ZDHHC13: variants seen among roughly 807,000 people sequenced by gnomAD.
The protein encoded by ZDHHC13 is palmitoyltransferase ZDHHC13.
A neutral mutation model predicts 86.0 loss-of-function variants in ZDHHC13; 85 were observed. The observed-to-expected ratio is 0.99, with a 90% CI of 0.83 to 1.18. The LOEUF (loss-of-function observed/expected upper bound fraction) is 1.18, where lower values mean the gene tolerates loss of function less well. Ranked by LOEUF, ZDHHC13 falls within the 50% of genes most tolerant of loss-of-function variation. ZDHHC13 has a pLI of 0.00. For synonymous variants in ZDHHC13, 263 were observed against 246.4 expected (o/e 1.07, Z -0.63); for missense variants, 711 against 730.2 (o/e 0.97, Z 0.30).
At chr11:19,144,372 TC>T (rs1849400642) in intron 2 of ZDHHC13, among the ~76,000 whole-genome samples, 1 of 152,096 alleles carries the variant, frequency 6.6e-6, no homozygotes, top group South Asian at 2.1e-4. Context: ...TCCTGGACCT[TC>T]TCAAGTGGTT....
At chr11:19,132,940 C>T (rs1216838742) in intron 1 of ZDHHC13, among the ~76,000 whole-genome samples, 1 of 152,110 alleles carries the variant, frequency 6.6e-6, no homozygotes, top group Non-Finnish European at 1.5e-5. Flanking sequence ...GAAGGCTCTA[C>T]TTCATTTTTA....
At chr11:19,167,119 G>A (rs1437993610) in intron 14 of ZDHHC13, 1 of 152,152 alleles carries the variant, frequency 6.6e-6, no homozygotes, top group Non-Finnish European at 1.5e-5. Flanking sequence ...AACCTATAGT[G>A]CTTGTAGTTT....
intron 1 of ZDHHC13, chr11:19,118,739 TCACCTATATATAC>T (rs1219415022): frequency 6.6e-6 from 1 of 152,244 alleles, no homozygotes; most frequent in East Asian, 1.9e-4. Flanking sequence ...TGTGAAGACC[TCACCTATATATAC>T]TGCTTTGCAG....
intron 1 of ZDHHC13, among the ~76,000 whole-genome samples, chr11:19,141,903 C>T (rs868620525): frequency 1.3e-5 from 2 of 151,990 alleles, no homozygotes; most frequent in Non-Finnish European, 2.9e-5. Context: ...TTCTTTTTAC[C>T]CTCCCAAATT....
chr11:19,160,810 G>T (rs1849889597), intron 10 of ZDHHC13, among the ~76,000 whole-genome samples: 2 of 151,644 alleles, frequency 1.3e-5, no homozygotes, highest in South Asian at 2.1e-4. Context: ...TCTTGGATGA[G>T]TTTTTTTTGT....
At chr11:19,125,931 C>T (rs918244101) in intron 1 of ZDHHC13, among the ~76,000 whole-genome samples, 9 of 152,006 alleles carry the variant, frequency 5.9e-5, no homozygotes, top group Middle Eastern at 3.2e-3. Flanking sequence ...GTTGGGGTTA[C>T]GGGAGGGTAT....
chr11:19,176,049 A>G lies in ZDHHC13; in HGVS notation c.*89A>G. 7.0e-7 allele frequency: 1 copy of G among 1,424,174 alleles called. No homozygotes were observed. Among genetic ancestry groups the G allele is most frequent in the Non-Finnish European group, 9.3e-7 (1 of 1,074,328 alleles). The allele number at this position is 1,424,174 out of a possible 1,614,324, so 88.2% of individuals were successfully genotyped here. A position where few individuals can be genotyped will look rare whatever the true frequency, so the allele number is the denominator to read the frequency against. On this transcript the variant is annotated 3_prime_UTR_variant, in exon 17 of 17. Coordinates refer to ENST00000446113, the MANE Select transcript of ZDHHC13 (RefSeq NM_019028.3). Reference sequence around the variant, plus strand: ...AAAGTGAAGTAAAGATTTAGAATTCACCTAAGTCCAAAGGAAAACACGTGG... The same window carrying G: ...AAAGTGAAGTAAAGATTTAGAATTCGCCTAAGTCCAAAGGAAAACACGTGG...
chr11:19,168,926 T>C, intron 14 of ZDHHC13: 4 of 984,994 alleles, frequency 4.1e-6, no homozygotes, highest in Non-Finnish European at 4.8e-6. Flanking sequence ...ACTCTGTAAC[T>C]GTCAGAGCCA....
intron 16 of ZDHHC13, among the ~76,000 whole-genome samples, chr11:19,174,886 A>G (rs1850317489): frequency 6.6e-6 from 1 of 152,232 alleles, no homozygotes; most frequent in Non-Finnish European, 1.5e-5. Flanking sequence ...CAGAGGAGCT[A>G]GAACTAGAGG....
At chr11:19,125,085 CAA>C (rs1357676523) in intron 1 of ZDHHC13, among the ~76,000 whole-genome samples, 2 of 152,016 alleles carry the variant, frequency 1.3e-5, no homozygotes, top group East Asian at 3.9e-4. Flanking sequence ...GACGTGACAC[CAA>C]AAGCACAATC....
intron 13 of ZDHHC13, among the ~76,000 whole-genome samples, chr11:19,165,425 A>G (rs531010621): frequency 1.8e-4 from 27 of 152,362 alleles, no homozygotes; most frequent in Admixed American, 6.5e-4. Context: ...CTTAACTTAC[A>G]GTGACACAAC....
At position 19,172,792 on chromosome 11, in the gene ZDHHC13, A is replaced by T; in HGVS notation, c.1702A>T (p.Thr568Ser). The T allele has an allele frequency of 6.2e-7, 1 of 1,605,912 alleles. No individual in the cohort carries two copies. The highest frequency in any genetic ancestry group is 1.1e-5 in the South Asian group (1 of 89,014). ...LQKQSKHMKQTLSLRKTPYNL... is the reference protein window; with the variant it reads ...LQKQSKHMKQSLSLRKTPYNL... ...GAAGCAGAGCAAGCATATGAAACAG[A>T]CGTTGTCCCTCAGGAAGACACCATA... Residue 568 changes from threonine to serine, a missense_variant, in exon 16 of 17, where the codon ACG (threonine) becomes TCG (serine). Transcript: ENST00000446113.
chr11:19,168,599 C>G (rs1307558261), intron 14 of ZDHHC13: 1 of 157,288 alleles, frequency 6.4e-6, no homozygotes, highest in South Asian at 2.0e-4. Context: ...ATTTATATTC[C>G]AGCAATATTT....
chr11:19,117,180 A>C lies in ZDHHC13; in HGVS notation c.-70A>C, dbSNP rs576604931. The C allele has an allele frequency of 1.3e-5, 19 of 1,514,448 alleles. No homozygotes were observed. In the South Asian group the frequency reaches 1.9e-4, roughly 15 times the overall value. 93.8% of individuals were successfully genotyped at this position (1,514,448 alleles called of 1,614,324 possible). On this transcript the variant is annotated 5_prime_UTR_variant, in exon 1 of 17. Coordinates refer to ENST00000446113, the MANE Select transcript of ZDHHC13 (RefSeq NM_019028.3). This position sits in a 1 kb window ranked among gnomAD's most constrained non-coding sequence, Gnocchi z 4.2. Reference sequence around the variant, plus strand: ...AGGAAGTGGGAGAAGAGGCGACCCAAGGCGGGCTGGCGGGCTGGCGGCAGT... The same window carrying C: ...AGGAAGTGGGAGAAGAGGCGACCCACGGCGGGCTGGCGGGCTGGCGGCAGT...
chr11:19,124,842 G>A (rs748075249), intron 1 of ZDHHC13, among the ~76,000 whole-genome samples: 2 of 152,026 alleles, frequency 1.3e-5, no homozygotes, highest in East Asian at 1.9e-4. Context: ...GAAAAAGACC[G>A]GAATTCAAAA....
intron 14 of ZDHHC13, chr11:19,170,076 A>G (rs991269707): frequency 5.9e-5 from 64 of 1,081,858 alleles, no homozygotes; most frequent in Middle Eastern, 8.5e-4. Context: ...AACATGAATA[A>G]GGTAGGGAGT....
At chr11:19,128,876 C>T (rs1265656572) in intron 1 of ZDHHC13, among the ~76,000 whole-genome samples, 1 of 152,144 alleles carries the variant, frequency 6.6e-6, no homozygotes, top group African/African-American at 2.4e-5. Context: ...TCGATCAACG[C>T]CAGACCACAC....
At chr11:19,157,300 A>G (rs1849783062) in intron 9 of ZDHHC13, among the ~76,000 whole-genome samples, 1 of 152,194 alleles carries the variant, frequency 6.6e-6, no homozygotes, top group Admixed American at 6.5e-5. Context: ...AATGATGATG[A>G]TCCATAGAAA....
At chr11:19,126,485 T>A (rs370908769) in intron 1 of ZDHHC13, among the ~76,000 whole-genome samples, 2 of 147,290 alleles carry the variant, frequency 1.4e-5, no homozygotes, top group African/African-American at 5.0e-5. Context: ...TATAGGCACA[T>A]ACCACCACCC....
Sources: gnomAD v4.1 joint callset for allele counts (sites outside exome capture counted in the v4.1 genomes callset) on GRCh38, gnomAD v4.1.1 for gene constraint, Gnocchi (gnomAD v3.1) non-coding constraint, MANE v1.5 for transcripts, NCBI Gene and HGNC (gene_info 2026-07-23, HGNC 2026-07-21) for gene names.